PPP2R1B: variants seen among roughly 807,000 people sequenced by gnomAD.
PPP2R1B encodes the protein protein phosphatase 2 scaffold subunit Abeta.
PPP2R1B carries 58 observed loss-of-function variants against 72.7 expected under a neutral mutation model. That is an observed-to-expected ratio of 0.80 (90% confidence interval 0.65 to 0.99). PPP2R1B has a LOEUF of 0.99. Ranked by LOEUF, PPP2R1B falls within the 50% of genes least tolerant of loss-of-function variation. The pLI is 0.00. For synonymous variants in PPP2R1B, 256 were observed against 264.6 expected (o/e 0.97, Z 0.32); for missense variants, 695 against 733.6 (o/e 0.95, Z 0.61).
chr11:111,758,284 C>G (rs1945197480), intron 5 of PPP2R1B, among the ~76,000 whole-genome samples: 1 of 152,142 alleles, frequency 6.6e-6, no homozygotes, highest in South Asian at 2.1e-4. Flanking sequence ...TAAACTATAA[C>G]ATTTAGGTAA....
downstream of PPP2R1B, among the ~76,000 whole-genome samples, chr11:111,734,999 G>A (rs1395348130): frequency 6.6e-6 from 1 of 152,232 alleles, no homozygotes; most frequent in Admixed American, 6.5e-5. Context: ...CCAGAGAAGA[G>A]ACCCGCATCG....
chr11:111,701,263 T>C, the PPP2R1B span, among the ~76,000 whole-genome samples: 1 of 152,328 alleles, frequency 6.6e-6, no homozygotes, highest in East Asian at 1.9e-4. This position sits in a 1 kb window ranked among gnomAD's most constrained non-coding sequence, Gnocchi z 4.2. Flanking sequence ...TTCAAATTCT[T>C]TGGTATTTAT....
At chr11:111,720,997 G>C in the PPP2R1B span, 54 of 1,614,054 alleles carry the variant, frequency 3.3e-5, no homozygotes, top group Non-Finnish European at 4.4e-5. Context: ...AATAGGACCG[G>C]AGGCAGACCC....
At chr11:111,696,318 A>C in the PPP2R1B span, among the ~76,000 whole-genome samples, 1 of 152,324 alleles carries the variant, frequency 6.6e-6, no homozygotes, top group South Asian at 2.1e-4. Context: ...GTGTTTTGAT[A>C]ATTGAAGCTT....
In PPP2R1B at chr11:111,752,297, C is replaced by A. The variant is rs782002223; in HGVS notation, c.1200G>T (p.Leu400Phe). The change falls in exon 10 of 15, where the codon TTG becomes TTT. Residue 400 changes from leucine (L) to phenylalanine (F), a missense_variant. Transcript: ENST00000527614. Reference sequence around the variant, plus strand: ...TTCCAATCACTTCATTTACACAATCCAAATTGGAGATGATATTCAAACGAA... The same window carrying A: ...TTCCAATCACTTCATTTACACAATCAAAATTGGAGATGATATTCAAACGAA... ...PDVRLNIISN[L>F]DCVNEVIGIR... 6.2e-7 allele frequency: 1 copy of A among 1,613,054 alleles called. No individual in the cohort carries two copies.
chr11:111,697,692 A>T, the PPP2R1B span, among the ~76,000 whole-genome samples: 1 of 152,094 alleles, frequency 6.6e-6, no homozygotes, highest in African/African-American at 2.4e-5. Context: ...TCTTCAGATG[A>T]TTACAAATAC....
At chr11:111,695,144 A>T in the PPP2R1B span, among the ~76,000 whole-genome samples, 1 of 152,090 alleles carries the variant, frequency 6.6e-6, no homozygotes, top group East Asian at 1.9e-4. Flanking sequence ...TTTCCTCATA[A>T]TTGTCTTCTT....
At chr11:111,726,454 GGACACCGGCCTGATGCAGAGCGT>G (rs1943969812), downstream of PPP2R1B, 1 of 154,528 alleles carries the variant, frequency 6.5e-6, no homozygotes, top group African/African-American at 2.4e-5. Context: ...GCAGCGGCGT[GGACACCGGCCTGATGCAGAGCGT>G]GACCCCTCCT....
chr11:111,719,837 G>A, the PPP2R1B span: 1 of 1,614,088 alleles, frequency 6.2e-7, no homozygotes, highest in African/African-American at 1.3e-5. Context: ...GCCAGTCACT[G>A]CCCAGCAACA....
At chr11:111,712,415 C>G in the PPP2R1B span, 1 of 1,580,538 alleles carries the variant, frequency 6.3e-7, no homozygotes, top group Non-Finnish European at 8.6e-7. Context: ...GGCAGTTTGG[C>G]GAGAGATTTC....
rs1182680525 is a variant in PPP2R1B at position 111,738,625 on chromosome 11, CTGAGCTGTGGTATTTCTG to C, written c.*2953_*2970del. ...CCCCTGGGGCTCTGCATCACAGTGGCTGAGCTGTGGTATTTCTGTGAGCTGAGGGCAGCCCGTTATTTC... is the reference window on the plus strand; with the variant it reads ...CCCCTGGGGCTCTGCATCACAGTGGCTGAGCTGAGGGCAGCCCGTTATTTC... On this transcript the variant is annotated 3_prime_UTR_variant, in exon 15 of 15. Transcript: ENST00000527614. 24 of 985,326 alleles carry C rather than the reference CTGAGCTGTGGTATTTCTG, an allele frequency of 2.4e-5. No homozygotes were observed. The Admixed American group carries it at 4.3e-4, about 18-fold the overall frequency. The allele number at this position is 985,326 out of a possible 1,614,324, so 61.0% of individuals were successfully genotyped here.
At chr11:111,765,921 G>T (rs1271773334) in intron 1 of PPP2R1B, 5 of 515,700 alleles carry the variant, frequency 9.7e-6, no homozygotes, top group African/African-American at 5.7e-5. Flanking sequence ...CGCTTCTCCT[G>T]CTCCCTCGCC....
In PPP2R1B at chr11:111,743,368, A is replaced by G. The variant is rs1565439913; in HGVS notation, c.1554+8T>C. On this transcript the variant is annotated splice_region_variant and intron_variant, in intron 12 of 14. Transcript: ENST00000527614. ...TAAGCTTAGCAATAACAGTTATGTT[A>G]TACTTACATTAATGCAGAATAAAGT... is the stretch of plus-strand genomic sequence containing the variant. 6.3e-7 allele frequency: 1 copy of G among 1,598,072 alleles called. No individual in the cohort carries two copies.
At chr11:111,742,466 C>G in intron 13 of PPP2R1B, 57 bp downstream of exon 13, 1 of 1,563,480 alleles carries the variant, frequency 6.4e-7, no homozygotes, top group Non-Finnish European at 8.7e-7. Flanking sequence ...TTACTCCCCA[C>G]TATAAGGTAA....
chr11:111,764,775 A>G, intron 3 of PPP2R1B, 30 bp downstream of exon 3: 2 of 1,607,328 alleles, frequency 1.2e-6, no homozygotes, highest in East Asian at 2.2e-5. Context: ...AAAGTTGTAG[A>G]AGGAGGGTAG....
At chr11:111,709,887 T>C in the PPP2R1B span, among the ~76,000 whole-genome samples, 1 of 152,214 alleles carries the variant, frequency 6.6e-6, no homozygotes, top group East Asian at 1.9e-4. Flanking sequence ...TGTGCTACGC[T>C]TGGTCTGGCA....
At chr11:111,748,380 C>T (rs1555046935) in intron 10 of PPP2R1B, among the ~76,000 whole-genome samples, 1 of 152,242 alleles carries the variant, frequency 6.6e-6, no homozygotes, top group Non-Finnish European at 1.5e-5. Context: ...AGTAATATTA[C>T]TAATTCTCAA....
chr11:111,689,666 C>T, the PPP2R1B span, among the ~76,000 whole-genome samples: 1 of 152,258 alleles, frequency 6.6e-6, no homozygotes, highest in South Asian at 2.1e-4. Context: ...GTTGGATACT[C>T]ATTGAACTTA....
chr11:111,728,938 A>AG (rs397934070), intron 15 of PPP2R1B: 4,192 of 150,560 alleles, frequency 0.028, 93 homozygotes, highest in Non-Finnish European at 0.043. Context: ...AAAAAAAAAA[A>AG]GACAAGAGCA....
Sources: allele counts gnomAD v4.1 joint callset (sites outside exome capture counted in the v4.1 genomes callset), GRCh38; gene constraint gnomAD v4.1.1; non-coding constraint Gnocchi (gnomAD v3.1); transcripts MANE v1.5; gene names NCBI Gene and HGNC (gene_info 2026-07-23, HGNC 2026-07-21).